The following KIAA1217 variants were observed in gnomAD, a reference collection of about 807,000 sequenced individuals.
The protein encoded by KIAA1217 is sickle tail protein homolog.
A neutral mutation model predicts 163.9 loss-of-function variants in KIAA1217; 88 were observed. That is an observed-to-expected ratio of 0.54 (90% CI 0.45 to 0.64). The LOEUF (loss-of-function observed/expected upper bound fraction) is 0.64. KIAA1217 is among the 30% of genes least tolerant of loss of function. The pLI is 0.00. For missense variants in KIAA1217, 2,372 were observed against 2,475.0 expected (o/e 0.96, Z 0.88); for synonymous variants, 903 against 923.1 (o/e 0.98, Z 0.39).
At chr10:24,489,382 G>A (rs549837032) in intron 6 of KIAA1217, among the ~76,000 whole-genome samples, 1 of 152,248 alleles carries the variant, frequency 6.6e-6, no homozygotes, top group East Asian at 1.9e-4. Context: ...TATGTCTTCT[G>A]GAAACTTAAG....
chr10:24,301,574 C>T lies in KIAA1217; in HGVS notation c.355-79295C>T, dbSNP rs549042551. On this transcript the variant is annotated intron_variant, in intron 2 of 20. Transcript: ENST00000376454. ...CTCCTCTCCATTCCCCAAACCCCAA[C>T]CATCTCCACCTGCTGACACTGTAGC... Among the ~76,000 whole-genome samples the T allele has an allele frequency of 1.7e-4, 26 of 152,300 alleles. No individual in the cohort carries two copies. The South Asian group carries it at 4.6e-3, about 27-fold the overall frequency.
intron 1 of KIAA1217, among the ~76,000 whole-genome samples, chr10:23,988,278 G>A (rs964462415): frequency 3.9e-5 from 6 of 152,186 alleles, no homozygotes; most frequent in Non-Finnish European, 8.8e-5. Flanking sequence ...AGGCGTCTGG[G>A]CTTTAGCAGA....
intron 2 of KIAA1217, among the ~76,000 whole-genome samples, chr10:24,103,363 C>T (rs200986057): frequency 6.6e-6 from 1 of 151,868 alleles, no homozygotes; most frequent in Non-Finnish European, 1.5e-5. Context: ...TTATTAGATA[C>T]AAGAAAAAAG....
intron 2 of KIAA1217, among the ~76,000 whole-genome samples, chr10:24,177,258 C>CAT (rs1210930891): frequency 0.056 from 1,409 of 25,018 alleles, 44 homozygotes; most frequent in Non-Finnish European, 0.063. Context: ...CTCTCACCAT[C>CAT]ATATATATAT....
At chr10:24,187,044 C>T (rs2066467058) in intron 2 of KIAA1217, among the ~76,000 whole-genome samples, 1 of 152,124 alleles carries the variant, frequency 6.6e-6, no homozygotes, top group African/African-American at 2.4e-5. Context: ...CCAACGGTGC[C>T]TCATTTTTAC....
intron 2 of KIAA1217, chr10:24,158,489 C>T (rs948927606): frequency 1.1e-5 from 6 of 527,122 alleles, no homozygotes; most frequent in African/African-American, 9.6e-5. Context: ...AAACTGCAGG[C>T]TCGGAAAGCC....
chr10:24,158,216 C>T, intron 2 of KIAA1217: 1 of 734,614 alleles, frequency 1.4e-6, no homozygotes, highest in South Asian at 1.4e-5. Flanking sequence ...ACATCTACTC[C>T]TGGAACAGGG....
chr10:23,973,894 C>A (rs1845427845), intron 1 of KIAA1217, among the ~76,000 whole-genome samples: 1 of 152,096 alleles, frequency 6.6e-6, no homozygotes, highest in South Asian at 2.1e-4. Flanking sequence ...ACCTTCCGAC[C>A]AGTCCTGCAT....
intron 1 of KIAA1217, among the ~76,000 whole-genome samples, chr10:23,840,898 T>C (rs74694643): frequency 0.018 from 2,725 of 152,282 alleles, 79 homozygotes; most frequent in African/African-American, 0.061. Flanking sequence ...AGAGGAGCCA[T>C]AGAATAGTGG....
rs142812470 is a variant in KIAA1217, at chr10:24,422,784, C to A, written c.554-10211C>A. 1.9e-3 allele frequency among the ~76,000 whole-genome samples: 294 copies of A among 152,236 alleles called. 2 individuals carry two copies. The highest frequency in any genetic ancestry group is 6.6e-3 in the African/African-American group (275 of 41,538). On this transcript the variant is annotated intron_variant, in intron 3 of 20. Coordinates refer to ENST00000376454, the MANE Select transcript of KIAA1217 (RefSeq NM_019590.5). ...ACAAAACAAAGTTAAAGGGGTAAGC[C>A]CCAGGGCTTTCTGTGGAGAATGAGT...
chr10:24,543,940 A>G lies in KIAA1217; in HGVS notation c.4670A>G (p.Lys1557Arg). The G allele has an allele frequency of 1.2e-6, 2 of 1,614,130 alleles. No individual in the cohort carries two copies. The highest frequency in any genetic ancestry group is 2.2e-5 in the South Asian group (2 of 91,072). Reference protein sequence around the residue: ...SHVDSPNSECKGEDATDDQFE... With the variant: ...SHVDSPNSECRGEDATDDQFE... Reference sequence around the variant, plus strand: ...GTGGATTCTCCAAATTCGGAATGCAAGGGTGAGGACGCGACCGATGACCAG... The same window carrying G: ...GTGGATTCTCCAAATTCGGAATGCAGGGGTGAGGACGCGACCGATGACCAG... The change falls in exon 19 of 21, where the codon AAG becomes AGG. Residue 1557 changes from lysine to arginine, a missense_variant. Around this residue, in one of 3 missense-constraint regions of KIAA1217, gnomAD observed 690 missense variants for 677.5 expected, o/e 1.02. Transcript: ENST00000376454.
intron 2 of KIAA1217, among the ~76,000 whole-genome samples, chr10:24,200,920 G>C (rs1306107387): frequency 6.6e-6 from 1 of 152,096 alleles, no homozygotes; most frequent in African/African-American, 2.4e-5. Flanking sequence ...AACATGTTGG[G>C]TGAAGGTATG....
intron 6 of KIAA1217, among the ~76,000 whole-genome samples, chr10:24,488,747 C>G (rs1415841961): frequency 1.3e-5 from 2 of 151,756 alleles, no homozygotes; most frequent in Non-Finnish European, 2.9e-5. Context: ...TTTTTTTCCT[C>G]ATACCAGAGT....
At chr10:24,335,462 G>A (rs1444101618) in intron 2 of KIAA1217, among the ~76,000 whole-genome samples, 2 of 150,608 alleles carry the variant, frequency 1.3e-5, no homozygotes, top group Non-Finnish European at 3.0e-5. Context: ...CCGGCTAATG[G>A]GTATGGAGTT....
At chr10:24,040,696 G>A (rs2131556438) in intron 2 of KIAA1217, among the ~76,000 whole-genome samples, 1 of 152,262 alleles carries the variant, frequency 6.6e-6, no homozygotes, top group East Asian at 1.9e-4. Flanking sequence ...AGTTTATAGG[G>A]CTGAGATTAT....
At chr10:24,376,121 G>A (rs1045817995) in intron 2 of KIAA1217, among the ~76,000 whole-genome samples, 15 of 152,164 alleles carry the variant, frequency 9.9e-5, no homozygotes, top group African/African-American at 2.9e-4. Context: ...AATCATGACC[G>A]TCTTTTAAAA....
intron 2 of KIAA1217, among the ~76,000 whole-genome samples, chr10:24,327,142 T>C (rs1295927314): frequency 6.6e-6 from 1 of 152,256 alleles, no homozygotes; most frequent in Non-Finnish European, 1.5e-5. Context: ...GTCTTCTAAA[T>C]TGGTATTGCT....
At position 24,545,785 on chromosome 10, in the gene KIAA1217, C is replaced by T. The variant is rs543008830; in HGVS notation, c.5335-42C>T. The T allele has an allele frequency of 5.2e-6, 8 of 1,547,592 alleles. No homozygotes were observed. The Admixed American group carries it at 5.9e-5, about 11-fold the overall frequency. ...CAGGCCCTGTGGGTTGATCATGTGA[C>T]CGCCTTTCTGACAAAATGTCTCCCG... On this transcript the variant is annotated intron_variant, in intron 20 of 20. Transcript: ENST00000376454.
intron 2 of KIAA1217, among the ~76,000 whole-genome samples, chr10:24,293,019 T>A (rs1247442530): frequency 1.3e-5 from 2 of 152,128 alleles, no homozygotes; most frequent in African/African-American, 4.8e-5. Context: ...CCAAAATGCA[T>A]GCTCGGGAAG....
Sources: allele counts gnomAD v4.1 joint callset (sites outside exome capture counted in the v4.1 genomes callset), GRCh38; gene constraint gnomAD v4.1.1; regional missense constraint gnomAD v4.1.1; transcripts MANE v1.5; gene names NCBI Gene and HGNC (gene_info 2026-07-23, HGNC 2026-07-21).